The following HACD2 variants were observed in gnomAD, a reference collection of about 807,000 sequenced individuals.
The protein encoded by HACD2 is very-long-chain (3R)-3-hydroxyacyl-CoA dehydratase 2.
Under a neutral mutation model 31.0 loss-of-function variants are expected in HACD2, and 15 were observed. The observed-to-expected ratio is 0.48, with a 90% confidence interval of 0.32 to 0.75. The LOEUF (loss-of-function observed/expected upper bound fraction) is 0.75, where lower values mean the gene tolerates loss of function less well. Among genes scored for constraint, HACD2 ranks in the 30% least tolerant of loss-of-function variants. The probability of loss-of-function intolerance (pLI) is 0.03; values close to 1 mark genes in which losing one functional copy is unlikely to be tolerated. For synonymous variants in HACD2, 115 were observed against 122.2 expected, an observed-to-expected ratio of 0.94 and a Z score of 0.39; for missense variants, 283 against 313.0, an observed-to-expected ratio of 0.90 and a Z score of 0.72.
intron 6 of HACD2, among the ~76,000 whole-genome samples, chr3:123,496,271 C>T (rs2107676220): frequency 6.6e-6 from 1 of 152,304 alleles, no homozygotes; most frequent in Admixed American, 6.5e-5. Context: ...GGTGTGCCCG[C>T]CTCAGCCTCC....
chr3:123,506,788 C>G (rs1341088139), intron 4 of HACD2, among the ~76,000 whole-genome samples: 1 of 152,062 alleles, frequency 6.6e-6, no homozygotes, highest in Non-Finnish European at 1.5e-5. Context: ...AAGTGGGGAG[C>G]CTCCTTTCTG....
intron 3 of HACD2, among the ~76,000 whole-genome samples, chr3:123,565,742 GAGA>G (rs1216095335): frequency 6.6e-6 from 1 of 152,194 alleles, no homozygotes; most frequent in Non-Finnish European, 1.5e-5. Flanking sequence ...CAGTCATGTG[GAGA>G]AGGCCTGAGA....
chr3:123,513,762 G>C (rs987345934), intron 4 of HACD2, among the ~76,000 whole-genome samples: 7 of 152,228 alleles, frequency 4.6e-5, no homozygotes, highest in South Asian at 2.1e-4. Context: ...CTCCATTCCA[G>C]AATGGAGAAA....
intron 4 of HACD2, among the ~76,000 whole-genome samples, chr3:123,515,251 C>A (rs2056119094): frequency 6.6e-6 from 1 of 152,106 alleles, no homozygotes; most frequent in Non-Finnish European, 1.5e-5. Context: ...TCTGCCTTAG[C>A]AGTTATCCCA....
chr3:123,515,673 T>A (rs2056125184), intron 4 of HACD2, among the ~76,000 whole-genome samples: 1 of 152,202 alleles, frequency 6.6e-6, no homozygotes, highest in South Asian at 2.1e-4. Context: ...TAAAAGGAAT[T>A]TCATCCTTGA....
chr3:123,502,453 C>T (rs1048674978), intron 5 of HACD2, 107 bp downstream of exon 5: 9 of 1,173,506 alleles, frequency 7.7e-6, no homozygotes, highest in Non-Finnish European at 9.5e-6. Flanking sequence ...CTACCCAACC[C>T]GTCTCAATTT....
At chr3:123,584,603 C>A in intron 1 of HACD2, 1 of 292,600 alleles carries the variant, frequency 3.4e-6, no homozygotes, top group Non-Finnish European at 6.3e-6. Context: ...CCTCCCGCGG[C>A]CCTCGCGAGC....
chr3:123,569,091 G>A (rs1319613756), intron 2 of HACD2, among the ~76,000 whole-genome samples: 1 of 152,076 alleles, frequency 6.6e-6, no homozygotes, highest in Non-Finnish European at 1.5e-5. Flanking sequence ...TCAATTTGTG[G>A]GGGAGGGATG....
At chr3:123,560,386 A>AT (rs1217731398) in intron 3 of HACD2, among the ~76,000 whole-genome samples, 2 of 152,190 alleles carry the variant, frequency 1.3e-5, no homozygotes, top group African/African-American at 4.8e-5. Flanking sequence ...GGCAGAATTA[A>AT]TTGCAAAGGA....
intron 3 of HACD2, among the ~76,000 whole-genome samples, chr3:123,559,371 C>T (rs886122564): frequency 2.0e-5 from 3 of 152,206 alleles, no homozygotes; most frequent in African/African-American, 4.8e-5. Flanking sequence ...AACTACTGTA[C>T]TTGAAATGAA....
chr3:123,559,293 T>C (rs1279933564), intron 3 of HACD2, among the ~76,000 whole-genome samples: 1 of 152,200 alleles, frequency 6.6e-6, no homozygotes, highest in African/African-American at 2.4e-5. Flanking sequence ...ACGTGTTGTG[T>C]GTGTCCTCTC....
intron 3 of HACD2, among the ~76,000 whole-genome samples, chr3:123,559,658 C>T (rs1342457897): frequency 6.6e-6 from 1 of 152,184 alleles, no homozygotes; most frequent in African/African-American, 2.4e-5. Context: ...TGATTTCTGA[C>T]GGACTGGACA....
intron 3 of HACD2, among the ~76,000 whole-genome samples, chr3:123,548,602 C>G (rs188916048): frequency 6.6e-6 from 1 of 152,108 alleles, no homozygotes. Context: ...GATTACAACA[C>G]GCAGAACCTT....
intron 3 of HACD2, among the ~76,000 whole-genome samples, chr3:123,543,544 C>A (rs1323136045): frequency 6.6e-6 from 1 of 152,048 alleles, no homozygotes; most frequent in African/African-American, 2.4e-5. Context: ...CCACTGCATA[C>A]CCTTTTATAG....
At chr3:123,536,567 C>T (rs2056428807) in intron 3 of HACD2, among the ~76,000 whole-genome samples, 1 of 152,164 alleles carries the variant, frequency 6.6e-6, no homozygotes, top group Admixed American at 6.6e-5. Flanking sequence ...GGGGATGCAA[C>T]ATGGAACAGA....
intron 4 of HACD2, among the ~76,000 whole-genome samples, chr3:123,513,606 C>T (rs1409582711): frequency 3.9e-5 from 6 of 152,124 alleles, no homozygotes; most frequent in Non-Finnish European, 2.9e-5. Flanking sequence ...CTGAGGAGAT[C>T]GTCCAGACTG....
intron 4 of HACD2, among the ~76,000 whole-genome samples, chr3:123,503,163 G>A (rs2055926265): frequency 6.6e-6 from 1 of 152,030 alleles, no homozygotes; most frequent in South Asian, 2.1e-4. Context: ...TACTCAGGAG[G>A]CTGAGGCAGG....
intron 6 of HACD2, among the ~76,000 whole-genome samples, chr3:123,497,912 C>T (rs953562070): frequency 2.6e-5 from 4 of 152,212 alleles, no homozygotes; most frequent in African/African-American, 4.8e-5. Context: ...ATTAAAAGAA[C>T]GCTACCTTGT....
chr3:123,536,461 T>C (rs575985550), intron 3 of HACD2, among the ~76,000 whole-genome samples: 3 of 152,198 alleles, frequency 2.0e-5, no homozygotes, highest in South Asian at 2.1e-4. Context: ...AAACCACCCA[T>C]TGCATCCAGG....
Sources: allele counts gnomAD v4.1 joint callset (sites outside exome capture counted in the v4.1 genomes callset), GRCh38; gene constraint gnomAD v4.1.1; transcripts MANE v1.5; gene names NCBI Gene and HGNC (gene_info 2026-07-23, HGNC 2026-07-21).